Variants in PITPNC1 observed in about 807,000 individuals in gnomAD.
The protein encoded by PITPNC1 is phosphatidylinositol transfer protein cytoplasmic 1.
A neutral mutation model predicts 44.7 loss-of-function variants in PITPNC1; 18 were observed. The observed-to-expected ratio is 0.40, with a 90% confidence interval of 0.28 to 0.60. PITPNC1 has a LOEUF of 0.60. PITPNC1 is among the 20% of genes least tolerant of loss of function. The pLI is 0.39. For missense variants in PITPNC1, 290 were observed against 418.4 expected, an observed-to-expected ratio of 0.69 and a Z score of 2.68; for synonymous variants, 141 against 149.6, an observed-to-expected ratio of 0.94 and a Z score of 0.42.
At chr17:67,675,240 C>T (rs2042581433) in intron 7 of PITPNC1, among the ~76,000 whole-genome samples, 1 of 151,428 alleles carries the variant, frequency 6.6e-6, no homozygotes, top group Non-Finnish European at 1.5e-5. Context: ...ACACACCCAG[C>T]CCTACTCTCA....
At chr17:67,554,075 G>A (rs1376284341) in intron 4 of PITPNC1, among the ~76,000 whole-genome samples, 1 of 152,038 alleles carries the variant, frequency 6.6e-6, no homozygotes, top group Non-Finnish European at 1.5e-5. Context: ...GATCTGGGTT[G>A]GGCAGTCGCT....
At chr17:67,647,671 G>T (rs981992929) in intron 6 of PITPNC1, among the ~76,000 whole-genome samples, 1 of 151,490 alleles carries the variant, frequency 6.6e-6, no homozygotes, top group Non-Finnish European at 1.5e-5. Flanking sequence ...CCCATCTACA[G>T]ACCCTAATTC....
chr17:67,494,701 T>C (rs1277580578), intron 1 of PITPNC1, among the ~76,000 whole-genome samples: 1 of 152,070 alleles, frequency 6.6e-6, no homozygotes, highest in Admixed American at 6.5e-5. Context: ...CTGGGTGCAG[T>C]GGCTCACGCC....
At chr17:67,485,652 G>T (rs376120881) in intron 1 of PITPNC1, among the ~76,000 whole-genome samples, 1 of 152,064 alleles carries the variant, frequency 6.6e-6, no homozygotes, top group East Asian at 1.9e-4. Flanking sequence ...CGGCCAATTA[G>T]TTAGATCTTT....
intron 1 of PITPNC1, among the ~76,000 whole-genome samples, chr17:67,501,521 G>A (rs1167947117): frequency 6.6e-6 from 1 of 152,002 alleles, no homozygotes; most frequent in Non-Finnish European, 1.5e-5. Context: ...TTACCCTCTT[G>A]TAACTTCCAC....
At chr17:67,591,876 ATTT>A (rs573013337) in intron 5 of PITPNC1, among the ~76,000 whole-genome samples, 2 of 139,872 alleles carry the variant, frequency 1.4e-5, no homozygotes. Flanking sequence ...TGCCCAGCTA[ATTT>A]TTTTTTTTTT....
At chr17:67,688,072 C>T (rs1442082635) in intron 8 of PITPNC1, among the ~76,000 whole-genome samples, 2 of 149,260 alleles carry the variant, frequency 1.3e-5, no homozygotes, top group East Asian at 2.0e-4. Flanking sequence ...GGCGCGGTGG[C>T]TCATGCCTGT....
intron 1 of PITPNC1, among the ~76,000 whole-genome samples, chr17:67,482,297 T>A (rs1229230807): frequency 6.6e-6 from 1 of 152,188 alleles, no homozygotes; most frequent in Admixed American, 6.5e-5. Flanking sequence ...AATATGGTTA[T>A]CTTGAGTAGG....
At chr17:67,566,395 G>T (rs956254256) in intron 4 of PITPNC1, among the ~76,000 whole-genome samples, 1 of 152,088 alleles carries the variant, frequency 6.6e-6, no homozygotes, top group Non-Finnish European at 1.5e-5. Context: ...GTAGAGACAG[G>T]GTTTTGCCAT....
intron 1 of PITPNC1, among the ~76,000 whole-genome samples, chr17:67,411,330 G>A (rs2038493130): frequency 6.6e-6 from 1 of 152,132 alleles, no homozygotes; most frequent in African/African-American, 2.4e-5. Flanking sequence ...TCTCTGGAGT[G>A]GGGCAAATCT....
At chr17:67,410,220 A>T (rs2038474343) in intron 1 of PITPNC1, among the ~76,000 whole-genome samples, 1 of 152,262 alleles carries the variant, frequency 6.6e-6, no homozygotes, top group South Asian at 2.1e-4. Flanking sequence ...TTTATTAGCA[A>T]GAATTAAATA....
In PITPNC1 at chr17:67,632,208, A is replaced by T; in HGVS notation, c.432A>T (p.Glu144Asp). The T allele has an allele frequency of 6.2e-7, 1 of 1,611,630 alleles. No homozygotes were observed. Among genetic ancestry groups the T allele is most frequent in the Non-Finnish European group, 8.5e-7 (1 of 1,177,796 alleles). Residue 144 changes from glutamate (E) to aspartate (D), a missense_variant, in exon 6 of 9, where the codon GAA (glutamate) becomes GAT (aspartate). By Grantham distance (45) the Glu-to-Asp change is conservative. Transcript: ENST00000581322. Reference protein sequence around the residue: ...EVCFIDIACDEIPERYYKESE... With the variant: ...EVCFIDIACDDIPERYYKESE... ...GCTTTATTGATATTGCCTGCGATGAAATTCCAGAGCGCTACTACAAAGAAT... is the reference window on the plus strand; with the variant it reads ...GCTTTATTGATATTGCCTGCGATGATATTCCAGAGCGCTACTACAAAGAAT...
rs142400250 is a variant in PITPNC1, at chr17:67,439,771, A to C, written c.48+61569A>C. Reference sequence around the variant, plus strand: ...GGACATTTCTTTTTTAAGTATGCTTAAATGTGTTCACGGATTGTGTGAAAT... The same window carrying C: ...GGACATTTCTTTTTTAAGTATGCTTCAATGTGTTCACGGATTGTGTGAAAT... On this transcript the variant is annotated intron_variant, in intron 1 of 8. Coordinates refer to ENST00000581322, the MANE Select transcript of PITPNC1 (RefSeq NM_012417.4). 3.4e-4 allele frequency among the ~76,000 whole-genome samples: 52 copies of C among 152,304 alleles called. 1 individual carries two copies. The East Asian group carries it at 6.9e-3, about 20-fold the overall frequency.
intron 5 of PITPNC1, among the ~76,000 whole-genome samples, chr17:67,609,513 C>T (rs769820651): frequency 1.6e-4 from 24 of 152,040 alleles, no homozygotes; most frequent in Admixed American, 5.9e-4. Context: ...TGGTCTCGAA[C>T]TCATGACCTC....
At chr17:67,515,086 G>C (rs557093505) in intron 1 of PITPNC1, among the ~76,000 whole-genome samples, 5 of 152,288 alleles carry the variant, frequency 3.3e-5, no homozygotes, top group Non-Finnish European at 7.4e-5. Context: ...TTAAAAATCA[G>C]ATTTGTCTGA....
chr17:67,429,741 T>C (rs2038827685), intron 1 of PITPNC1, among the ~76,000 whole-genome samples: 1 of 152,204 alleles, frequency 6.6e-6, no homozygotes, highest in African/African-American at 2.4e-5. Context: ...ACCACCATTA[T>C]TCTTTTATTC....
At chr17:67,495,040 GTTTTTTTTTTTGTTT>G (rs768641860) in intron 1 of PITPNC1, among the ~76,000 whole-genome samples, 4,285 of 64,542 alleles carry the variant, frequency 0.066, 172 homozygotes, top group Middle Eastern at 0.15. Flanking sequence ...CCATGGAGTT[GTTTTTTTTTTTGTTT>G]TTTTTTTTTT....
intron 2 of PITPNC1, among the ~76,000 whole-genome samples, chr17:67,544,007 C>T (rs772115507): frequency 4.6e-5 from 7 of 152,144 alleles, no homozygotes; most frequent in Admixed American, 1.3e-4. Flanking sequence ...CCTGCTACCA[C>T]GCCGGGCTAA....
At chr17:67,470,731 GA>G (rs529249710) in intron 1 of PITPNC1, among the ~76,000 whole-genome samples, 97 of 152,288 alleles carry the variant, frequency 6.4e-4, no homozygotes, top group Admixed American at 2.0e-3. Flanking sequence ...AACAGGCCAG[GA>G]TGACAATGGC....
Sources: gnomAD v4.1 joint callset for allele counts (sites outside exome capture counted in the v4.1 genomes callset) on GRCh38, gnomAD v4.1.1 for gene constraint, MANE v1.5 for transcripts, NCBI Gene and HGNC (gene_info 2026-07-23, HGNC 2026-07-21) for gene names.